The following GPC5 variants were observed in gnomAD, a reference collection of about 807,000 sequenced individuals.
GPC5 encodes the protein glypican 5.
GPC5 carries 47 observed loss-of-function variants against 53.9 expected under a neutral mutation model. The observed-to-expected ratio is 0.87, with a 90% CI of 0.69 to 1.11. The LOEUF is 1.11. Among genes scored for constraint, GPC5 ranks in the 50% most tolerant of loss-of-function variants. The pLI is 0.00. For synonymous variants in GPC5, 286 were observed against 263.3 expected, an observed-to-expected ratio of 1.09 and a Z score of -0.84; for missense variants, 748 against 713.1, an observed-to-expected ratio of 1.05 and a Z score of -0.56.
chr13:91,923,431 G>A (rs527538424), intron 6 of GPC5, among the ~76,000 whole-genome samples: 4 of 152,204 alleles, frequency 2.6e-5, no homozygotes, highest in South Asian at 2.1e-4. Context: ...ACTTATGAGA[G>A]GAATATGCTT....
chr13:91,801,283 G>GTGTGTA (rs1269570407), intron 5 of GPC5, among the ~76,000 whole-genome samples: 1 of 146,190 alleles, frequency 6.8e-6, no homozygotes, highest in Non-Finnish European at 1.5e-5. Flanking sequence ...GTGTGTGTGT[G>GTGTGTA]TGTGTGTGTG....
intron 5 of GPC5, among the ~76,000 whole-genome samples, chr13:91,808,104 G>GA (rs371842258): frequency 4.0e-4 from 60 of 151,736 alleles, no homozygotes; most frequent in African/African-American, 1.1e-3. Flanking sequence ...ATCTTTCTAG[G>GA]AAAAAAAATG....
chr13:92,233,179 A>C (rs977965419), intron 7 of GPC5, among the ~76,000 whole-genome samples: 3 of 152,240 alleles, frequency 2.0e-5, no homozygotes, highest in Non-Finnish European at 2.9e-5. Context: ...TAAATGGTGA[A>C]CCTGCCTTAT....
At chr13:91,750,854 G>T (rs922526795) in intron 4 of GPC5, among the ~76,000 whole-genome samples, 3 of 151,872 alleles carry the variant, frequency 2.0e-5, no homozygotes, top group African/African-American at 7.3e-5. Context: ...TAAAGACGGG[G>T]TTTCTCCATG....
intron 6 of GPC5, among the ~76,000 whole-genome samples, chr13:91,938,299 G>C (rs190617435): frequency 6.6e-6 from 1 of 152,214 alleles, no homozygotes; most frequent in African/African-American, 2.4e-5. Flanking sequence ...GCAAGAGACA[G>C]AGCAAGAGAG....
At chr13:91,632,020 A>G (rs2034170071) in intron 2 of GPC5, among the ~76,000 whole-genome samples, 1 of 152,112 alleles carries the variant, frequency 6.6e-6, no homozygotes. Context: ...ACTAGCTAGA[A>G]ATAGTAAAGT....
intron 7 of GPC5, among the ~76,000 whole-genome samples, chr13:92,228,454 A>T (rs1346992239): frequency 2.0e-5 from 3 of 152,168 alleles, no homozygotes; most frequent in Non-Finnish European, 4.4e-5. Context: ...CACATTTAAT[A>T]GTCTTAAGAA....
intron 2 of GPC5, among the ~76,000 whole-genome samples, chr13:91,459,443 C>T (rs1338118913): frequency 6.6e-6 from 1 of 151,812 alleles, no homozygotes; most frequent in Non-Finnish European, 1.5e-5. Context: ...CTCTTATGAT[C>T]CTTAGTGGGC....
chr13:91,897,370 C>CGA (rs754409057), intron 5 of GPC5, among the ~76,000 whole-genome samples: 1 of 132,202 alleles, frequency 7.6e-6, no homozygotes, highest in Non-Finnish European at 1.6e-5. Context: ...TGTGTGTGTG[C>CGA]GCCTGTGCAT....
chr13:92,842,904 T>C (rs1219560754), intron 7 of GPC5, among the ~76,000 whole-genome samples: 1 of 152,116 alleles, frequency 6.6e-6, no homozygotes, highest in East Asian at 1.9e-4. Flanking sequence ...GATTTTACCA[T>C]TTAGATGGTC....
At chr13:91,796,867 CAAGGATAAG>C (rs1345990253) in intron 5 of GPC5, among the ~76,000 whole-genome samples, 2 of 151,978 alleles carry the variant, frequency 1.3e-5, no homozygotes, top group Non-Finnish European at 2.9e-5. Context: ...TCTCTTCTGC[CAAGGATAAG>C]AAGGCTTAAT....
At chr13:91,806,536 C>A (rs2352203) in intron 5 of GPC5, among the ~76,000 whole-genome samples, 1 of 151,740 alleles carries the variant, frequency 6.6e-6, no homozygotes, top group Non-Finnish European at 1.5e-5. Flanking sequence ...CTTACAACAC[C>A]TCTTTATTTT....
chr13:92,536,107 A>C (rs1444685900), intron 7 of GPC5, among the ~76,000 whole-genome samples: 1 of 152,124 alleles, frequency 6.6e-6, no homozygotes, highest in Non-Finnish European at 1.5e-5. Context: ...TCTTTTACTA[A>C]GTAATGTTCA....
intron 5 of GPC5, among the ~76,000 whole-genome samples, chr13:91,859,656 C>T (rs868621782): frequency 2.0e-5 from 3 of 151,944 alleles, no homozygotes; most frequent in East Asian, 1.9e-4. Context: ...CTTTCTTAGT[C>T]TTACTAGTAT....
At chr13:92,621,074 ATC>A (rs1431003295) in intron 7 of GPC5, among the ~76,000 whole-genome samples, 24 of 152,174 alleles carry the variant, frequency 1.6e-4, no homozygotes, top group African/African-American at 4.8e-4. Flanking sequence ...TGAGGTCAAC[ATC>A]TCTTTCTCTT....
intron 6 of GPC5, among the ~76,000 whole-genome samples, chr13:92,123,014 T>A (rs2041663935): frequency 6.6e-6 from 1 of 152,208 alleles, no homozygotes; most frequent in African/African-American, 2.4e-5. Flanking sequence ...ATACTGGTTT[T>A]CCTTTGATCA....
intron 7 of GPC5, among the ~76,000 whole-genome samples, chr13:92,458,887 C>T (rs891217534): frequency 1.3e-5 from 2 of 152,160 alleles, no homozygotes; most frequent in African/African-American, 4.8e-5. Flanking sequence ...GCTTTCTAAA[C>T]ACCTTATGCA....
rs149076984 is a variant in GPC5, at chr13:92,277,543, T to C, written c.1561+132554T>C. Among the ~76,000 whole-genome samples the C allele has an allele frequency of 2.0e-5, 3 of 152,092 alleles. No individual in the cohort carries two copies. The East Asian group carries it at 5.8e-4, about 29-fold the overall frequency. ...AAAACATCTCAAGTTCAAGAGTATA[T>C]GTAAATTGATGATGCATTTCCTCCT... On this transcript the variant is annotated intron_variant, in intron 7 of 7. Coordinates refer to ENST00000377067, the MANE Select transcript of GPC5 (RefSeq NM_004466.6).
At chr13:92,488,704 A>G (rs9523681) in intron 7 of GPC5, among the ~76,000 whole-genome samples, 20,791 of 152,198 alleles carry the variant, frequency 0.14, 1,477 homozygotes, top group African/African-American at 0.16. Flanking sequence ...CTCAGAATTC[A>G]CAGCGATACT....
Sources: allele counts gnomAD v4.1 joint callset (sites outside exome capture counted in the v4.1 genomes callset), GRCh38; gene constraint gnomAD v4.1.1; transcripts MANE v1.5; gene names NCBI Gene and HGNC (gene_info 2026-07-23, HGNC 2026-07-21).